CPNE4: variants seen among roughly 807,000 people sequenced by gnomAD.
CPNE4 encodes the protein copine-4.
A neutral mutation model predicts 67.9 loss-of-function variants in CPNE4; 25 were observed. That is an observed-to-expected ratio of 0.37 (90% CI 0.27 to 0.51). The LOEUF (loss-of-function observed/expected upper bound fraction) is 0.51. Among genes scored for constraint, CPNE4 ranks in the 20% least tolerant of loss-of-function variants. The probability of loss-of-function intolerance (pLI) is 0.93; values close to 1 mark genes in which losing one functional copy is unlikely to be tolerated. For missense variants in CPNE4, 464 were observed against 690.8 expected, an observed-to-expected ratio of 0.67 and a Z score of 3.68; for synonymous variants, 242 against 244.9, an observed-to-expected ratio of 0.99 and a Z score of 0.11.
chr3:131,909,135 C>T (rs1230844231), intron 1 of CPNE4, among the ~76,000 whole-genome samples: 1 of 152,166 alleles, frequency 6.6e-6, no homozygotes. Flanking sequence ...AGAGCACACA[C>T]TCATCTTTTA....
At chr3:131,954,700 A>G (rs2071887558) in intron 1 of CPNE4, among the ~76,000 whole-genome samples, 1 of 152,046 alleles carries the variant, frequency 6.6e-6, no homozygotes, top group Non-Finnish European at 1.5e-5. Flanking sequence ...CTGTGTCCAA[A>G]TGTTCTCATT....
intron 8 of CPNE4, among the ~76,000 whole-genome samples, chr3:131,585,835 G>C (rs908051942): frequency 1.3e-5 from 2 of 152,122 alleles, no homozygotes; most frequent in Admixed American, 1.3e-4. Context: ...GGTTTTAACT[G>C]TGGCTCTGAA....
At chr3:131,580,931 TG>T (rs1419948303) in intron 9 of CPNE4, among the ~76,000 whole-genome samples, 2 of 152,126 alleles carry the variant, frequency 1.3e-5, no homozygotes, top group Admixed American at 1.3e-4. Flanking sequence ...CCCAGCACTT[TG>T]GGAGGCTGAG....
At chr3:131,770,346 A>C (rs1173141536) in intron 2 of CPNE4, among the ~76,000 whole-genome samples, 1 of 152,216 alleles carries the variant, frequency 6.6e-6, no homozygotes, top group Non-Finnish European at 1.5e-5. Context: ...TTAAGGTTAG[A>C]GAGGAGGGAA....
intron 7 of CPNE4, among the ~76,000 whole-genome samples, chr3:131,599,838 C>T (rs1236882323): frequency 6.6e-6 from 1 of 152,112 alleles, no homozygotes; most frequent in African/African-American, 2.4e-5. Context: ...CAGGTTTGTC[C>T]CCAGGCTCTG....
At chr3:131,965,351 C>T (rs1439317818) in intron 1 of CPNE4, among the ~76,000 whole-genome samples, 2 of 152,166 alleles carry the variant, frequency 1.3e-5, no homozygotes, top group Non-Finnish European at 2.9e-5. Context: ...ATCATGATGA[C>T]AAGATCAAAT....
intron 2 of CPNE4, among the ~76,000 whole-genome samples, chr3:131,863,743 C>A (rs923175928): frequency 6.6e-6 from 1 of 152,158 alleles, no homozygotes; most frequent in Non-Finnish European, 1.5e-5. Context: ...GCTTTTGTTG[C>A]CATTGCTTTT....
chr3:131,715,757 G>A (rs1319264650), intron 3 of CPNE4, among the ~76,000 whole-genome samples: 2 of 152,214 alleles, frequency 1.3e-5, no homozygotes, highest in African/African-American at 4.8e-5. Context: ...ATGAATGAAT[G>A]AGTTAATAAG....
At chr3:131,590,357 GC>G (rs1008493329) in intron 7 of CPNE4, among the ~76,000 whole-genome samples, 7 of 152,140 alleles carry the variant, frequency 4.6e-5, no homozygotes, top group Admixed American at 1.3e-4. Flanking sequence ...ATACTGTGGA[GC>G]AGTGGAGCTC....
At chr3:131,769,176 C>T (rs958472345) in intron 2 of CPNE4, among the ~76,000 whole-genome samples, 1 of 152,146 alleles carries the variant, frequency 6.6e-6, no homozygotes, top group African/African-American at 2.4e-5. Flanking sequence ...TCCTTGAATA[C>T]ACTTCATTCA....
intron 7 of CPNE4, among the ~76,000 whole-genome samples, chr3:131,620,079 G>A (rs906341045): frequency 6.6e-6 from 1 of 152,136 alleles, no homozygotes; most frequent in Non-Finnish European, 1.5e-5. Flanking sequence ...AGGCTCTCTC[G>A]GGTGTGAGCA....
intron 10 of CPNE4, among the ~76,000 whole-genome samples, chr3:131,568,650 T>C (rs1937179999): frequency 6.7e-6 from 1 of 150,260 alleles, no homozygotes; most frequent in Non-Finnish European, 1.5e-5. Context: ...GGAGCAGCTT[T>C]GCAAACCTTG....
At chr3:131,818,152 G>GT (rs1040994413) in intron 2 of CPNE4, among the ~76,000 whole-genome samples, 87 of 152,016 alleles carry the variant, frequency 5.7e-4, no homozygotes, top group Non-Finnish European at 1.1e-3. Flanking sequence ...CAAGAAATTG[G>GT]TTTTTTTTGG....
chr3:131,777,060 G>T (rs183982282), intron 2 of CPNE4, among the ~76,000 whole-genome samples: 4 of 152,168 alleles, frequency 2.6e-5, no homozygotes, highest in East Asian at 1.9e-4. Flanking sequence ...GCTCTCAAAG[G>T]TACAGCCATT....
At chr3:131,744,718 T>A (rs955506287) in intron 2 of CPNE4, among the ~76,000 whole-genome samples, 4 of 152,378 alleles carry the variant, frequency 2.6e-5, no homozygotes, top group African/African-American at 9.6e-5. Context: ...CTTTTATTAC[T>A]CAACATAATT....
intron 2 of CPNE4, among the ~76,000 whole-genome samples, chr3:131,799,313 T>C (rs1353482307): frequency 6.6e-6 from 1 of 152,120 alleles, no homozygotes; most frequent in Non-Finnish European, 1.5e-5. Context: ...TACTAAATAT[T>C]ACCACTATTA....
At chr3:131,931,240 GC>G (rs1188560926) in intron 1 of CPNE4, among the ~76,000 whole-genome samples, 3 of 152,014 alleles carry the variant, frequency 2.0e-5, no homozygotes, top group Non-Finnish European at 4.4e-5. Flanking sequence ...TTCAACCTCA[GC>G]ATACAAATAC....
At chr3:132,011,117 T>C (rs1023366791) in intron 1 of CPNE4, among the ~76,000 whole-genome samples, 4 of 152,198 alleles carry the variant, frequency 2.6e-5, no homozygotes, top group African/African-American at 9.6e-5. Context: ...AGGGCGACTT[T>C]GTGCAAATTA....
At chr3:131,975,276 G>A (rs578115501) in intron 1 of CPNE4, among the ~76,000 whole-genome samples, 61 of 152,214 alleles carry the variant, frequency 4.0e-4, no homozygotes, top group South Asian at 8.3e-4. Flanking sequence ...AACAGGAAGC[G>A]ATAAGAAAGT....
Sources: allele counts gnomAD v4.1 joint callset (sites outside exome capture counted in the v4.1 genomes callset), GRCh38; gene constraint gnomAD v4.1.1; transcripts MANE v1.5; gene names NCBI Gene and HGNC (gene_info 2026-07-23, HGNC 2026-07-21).